PRKX: variants seen among roughly 807,000 people sequenced by gnomAD.
The protein encoded by PRKX is cAMP-dependent protein kinase catalytic subunit PRKX.
PRKX carries 12 observed loss-of-function variants against 22.0 expected under a neutral mutation model. The observed-to-expected ratio is 0.54, with a 90% confidence interval of 0.35 to 0.88. The LOEUF (loss-of-function observed/expected upper bound fraction) is 0.88, where lower values mean the gene tolerates loss of function less well. Among genes scored for constraint, PRKX ranks in the 40% least tolerant of loss-of-function variants. The probability of loss-of-function intolerance (pLI) is 0.01; values close to 1 mark genes in which losing one functional copy is unlikely to be tolerated. For synonymous variants in PRKX, 134 were observed against 137.7 expected (o/e 0.97, Z 0.19); for missense variants, 217 against 308.0 (o/e 0.70, Z 2.21).
At chrX:3,689,858 T>C (rs972154864) in intron 1 of PRKX, among the ~76,000 whole-genome samples, 3 of 110,992 alleles carry the variant, frequency 2.7e-5, no homozygotes, top group South Asian at 3.8e-4. Context: ...AAGCCTGTAG[T>C]CCCAGCTACT....
At chrX:3,697,483 ATCCTACTTCTTACTT>A (rs1213895187) in intron 1 of PRKX, among the ~76,000 whole-genome samples, 1 of 110,810 alleles carries the variant, frequency 9.0e-6, no homozygotes, top group Non-Finnish European at 1.9e-5. Flanking sequence ...TCTGAGAACA[ATCCTACTTCTTACTT>A]TCCTTATCAC....
At chrX:3,709,748 C>G (rs956681524) in intron 1 of PRKX, among the ~76,000 whole-genome samples, 2 of 111,720 alleles carry the variant, frequency 1.8e-5, no homozygotes, top group Non-Finnish European at 3.8e-5. Context: ...TCATCCTCTT[C>G]TCTCTACATA....
intron 4 of PRKX, among the ~76,000 whole-genome samples, chrX:3,628,273 G>C (rs953377276): frequency 9.0e-6 from 1 of 110,693 alleles, no homozygotes; most frequent in Admixed American, 9.8e-5. Flanking sequence ...GATAGGGAGA[G>C]GTTTGTTAAA....
chrX:3,664,121 G>C (rs1927670378), intron 2 of PRKX, among the ~76,000 whole-genome samples: 1 of 111,775 alleles, frequency 8.9e-6, no homozygotes, highest in African/African-American at 3.2e-5. Flanking sequence ...AGCTCCTCTC[G>C]AGGAGAAGTG....
At chrX:3,657,827 G>A (rs751632446) in intron 2 of PRKX, among the ~76,000 whole-genome samples, 2 of 111,974 alleles carry the variant, frequency 1.8e-5, no homozygotes, top group Non-Finnish European at 3.8e-5. Flanking sequence ...GGGTAGGGAT[G>A]AAAGAAGGAA....
At chrX:3,662,492 G>T (rs1357981214) in intron 2 of PRKX, among the ~76,000 whole-genome samples, 1 of 109,677 alleles carries the variant, frequency 9.1e-6, no homozygotes, top group East Asian at 2.9e-4. Context: ...TCAGGAGATC[G>T]AGACCATCCT....
chrX:3,657,150 C>T (rs1453683559), intron 2 of PRKX, among the ~76,000 whole-genome samples: 2 of 112,178 alleles, frequency 1.8e-5, no homozygotes, highest in Non-Finnish European at 3.8e-5. Context: ...TATCCTGGGA[C>T]ATGGGTAAAA....
At chrX:3,698,481 C>T (rs997322721) in intron 1 of PRKX, among the ~76,000 whole-genome samples, 1 of 111,098 alleles carries the variant, frequency 9.0e-6, no homozygotes. Flanking sequence ...GCCACCGTGT[C>T]CAGAAAAAGA....
At chrX:3,710,746 C>A (rs1364809616) in intron 1 of PRKX, among the ~76,000 whole-genome samples, 1 of 111,709 alleles carries the variant, frequency 9.0e-6, no homozygotes, top group African/African-American at 3.3e-5. Context: ...CTCTGCCCAC[C>A]CCCCAAAAAG....
At position 3,621,294 on chromosome X, in the gene PRKX, C is replaced by G. The variant is rs1305783160; in HGVS notation, c.838G>C (p.Val280Leu). 4.2e-6 allele frequency: 5 copies of G among 1,203,987 alleles called. No individual in the cohort carries two copies. Among genetic ancestry groups the G allele is most frequent in the Non-Finnish European group, 5.6e-6 (5 of 892,680 alleles). The part of the protein sequence containing the change: ...HVKDLIKKLL[V>L]VDRTRRLGNM... Reference sequence around the variant, plus strand: ...CCTAATCGCCTTGTTCTGTCAACCACGAGCAGTTTCTTAATGAGGTCTCTA... The same window carrying G: ...CCTAATCGCCTTGTTCTGTCAACCAGGAGCAGTTTCTTAATGAGGTCTCTA... Residue 280 changes from valine to leucine, a missense_variant, in exon 6 of 9, where the codon GTG becomes CTG. Transcript: ENST00000262848.
At chrX:3,697,527 A>G (rs1928467484) in intron 1 of PRKX, among the ~76,000 whole-genome samples, 1 of 108,288 alleles carries the variant, frequency 9.2e-6, no homozygotes, top group Non-Finnish European at 1.9e-5. Context: ...GTTTGTTTTC[A>G]TTAATCACAA....
At chrX:3,623,510 T>C (rs1926602043) in intron 5 of PRKX, among the ~76,000 whole-genome samples, 1 of 111,065 alleles carries the variant, frequency 9.0e-6, no homozygotes, top group African/African-American at 3.3e-5. Context: ...GAGCTATGAT[T>C]GTGCCACTGC....
At chrX:3,648,100 C>T (rs1927227916) in intron 3 of PRKX, among the ~76,000 whole-genome samples, 1 of 112,039 alleles carries the variant, frequency 8.9e-6, no homozygotes, top group Admixed American at 9.6e-5. Context: ...ACAGACAGAG[C>T]TCCTGGCCAA....
intron 1 of PRKX, among the ~76,000 whole-genome samples, chrX:3,698,545 G>GT (rs200003127): frequency 0.043 from 4,795 of 110,435 alleles, 272 homozygotes; most frequent in African/African-American, 0.15. Flanking sequence ...TGTCTTTGTG[G>GT]TTTTTTCTAC....
chrX:3,658,870 C>T (rs189273905), intron 2 of PRKX, among the ~76,000 whole-genome samples: 5 of 111,266 alleles, frequency 4.5e-5, no homozygotes, highest in East Asian at 2.8e-4. Flanking sequence ...CAAGGTCGAC[C>T]GGATGGTCTT....
intron 1 of PRKX, among the ~76,000 whole-genome samples, chrX:3,696,793 G>A (rs1259720020): frequency 8.9e-6 from 1 of 111,912 alleles, no homozygotes; most frequent in African/African-American, 3.3e-5. Flanking sequence ...GCCGAGGGAG[G>A]CGGATCACTT....
chrX:3,647,954 C>A (rs1298720687), intron 3 of PRKX, among the ~76,000 whole-genome samples: 1 of 111,293 alleles, frequency 9.0e-6, no homozygotes, highest in Non-Finnish European at 1.9e-5. Context: ...CTAGGGCCCT[C>A]CTACAAGTAG....
chrX:3,667,352 T>C (rs1047287818), intron 2 of PRKX: 1 of 111,428 alleles, frequency 9.0e-6, no homozygotes, highest in Non-Finnish European at 1.9e-5. Context: ...GAGCCCGCCA[T>C]AAAGCTGGGC....
At chrX:3,698,653 A>G (rs751963882) in intron 1 of PRKX, among the ~76,000 whole-genome samples, 1 of 108,435 alleles carries the variant, frequency 9.2e-6, no homozygotes, top group Admixed American at 9.9e-5. Flanking sequence ...CAGTGGTGTG[A>G]TCTCGGCTCA....
Sources: allele counts gnomAD v4.1 joint callset (sites outside exome capture counted in the v4.1 genomes callset), GRCh38; gene constraint gnomAD v4.1.1; transcripts MANE v1.5; gene names NCBI Gene and HGNC (gene_info 2026-07-23, HGNC 2026-07-21).